SCARA5: variants seen among roughly 807,000 people sequenced by gnomAD.
The protein encoded by SCARA5 is scavenger receptor class A, member 5 (putative).
In SCARA5, 45 loss-of-function variants were observed where a neutral mutation model predicts 46.3. The observed-to-expected ratio is 0.97, with a 90% CI of 0.76 to 1.24. The LOEUF (loss-of-function observed/expected upper bound fraction) is 1.24, where lower values mean the gene tolerates loss of function less well. Among genes scored for constraint, SCARA5 ranks in the 50% most tolerant of loss-of-function variants. The pLI is 0.00. For missense variants in SCARA5, 680 were observed against 689.0 expected (o/e 0.99, Z 0.15); for synonymous variants, 333 against 306.5 (o/e 1.09, Z -0.90).
Position 27,885,485 on chromosome 8 carries a change from C to A in SCARA5, c.1154-5719G>T, listed in dbSNP as rs554964380. ...GAGGATCACGTGACCTGGTACAGGG[C>A]CCGGTGCACTGAGATACCCAGCCTG... is the stretch of plus-strand genomic sequence containing the variant. On this transcript the variant is annotated intron_variant, in intron 7 of 8. Coordinates refer to ENST00000354914, the MANE Select transcript of SCARA5 (RefSeq NM_173833.6). Among the ~76,000 whole-genome samples the A allele has an allele frequency of 3.2e-4, 49 of 152,240 alleles. No homozygotes were observed. The South Asian group carries it at 0.01, about 32-fold the overall frequency.
chr8:27,881,871 G>A (rs142746857), intron 7 of SCARA5, among the ~76,000 whole-genome samples: 42 of 152,152 alleles, frequency 2.8e-4, no homozygotes, highest in African/African-American at 8.7e-4. Flanking sequence ...CTGATGCCTC[G>A]TCATCACCCA....
chr8:27,987,999 C>A (rs1808730553), intron 1 of SCARA5, among the ~76,000 whole-genome samples: 1 of 152,146 alleles, frequency 6.6e-6, no homozygotes, highest in Admixed American at 6.5e-5. Context: ...CAAAAGGTAA[C>A]CTGAGAGCAG....
chr8:27,920,115 T>G (rs1201330396), intron 4 of SCARA5, among the ~76,000 whole-genome samples: 31 of 151,730 alleles, frequency 2.0e-4, no homozygotes, highest in Admixed American at 1.9e-3. Flanking sequence ...GGTCTCTTGG[T>G]TCTATCATTT....
intron 3 of SCARA5, among the ~76,000 whole-genome samples, chr8:27,948,043 T>C (rs991527551): frequency 4.6e-5 from 7 of 152,132 alleles, no homozygotes; most frequent in African/African-American, 1.7e-4. Context: ...GTTCTGCTAG[T>C]GGGTGGTGGC....
At chr8:27,905,708 T>C (rs1416215783) in intron 6 of SCARA5, among the ~76,000 whole-genome samples, 2 of 146,226 alleles carry the variant, frequency 1.4e-5, no homozygotes, top group South Asian at 4.4e-4. Context: ...TTCTTTTCTT[T>C]TTTTTTTTTT....
Position 27,881,929 on chromosome 8 carries a change from T to C in SCARA5, c.1154-2163A>G, listed in dbSNP as rs531263699. On this transcript the variant is annotated intron_variant, in intron 7 of 8. Transcript: ENST00000354914. The stretch of plus-strand genomic sequence containing the variant: ...TTCACTTTTGGTGCTGCACATGCGA[T>C]GGGTTTGGACAAATGTATAATAATG... 3.0e-4 allele frequency among the ~76,000 whole-genome samples: 46 copies of C among 152,334 alleles called. 3 individuals carry two copies. The South Asian group carries it at 9.3e-3, about 31-fold the overall frequency.
rs139795486 is a variant in SCARA5 at position 27,940,368 on chromosome 8, T to A, written c.242-18123A>T. Among the ~76,000 whole-genome samples, 878 of 152,216 alleles carry A rather than the reference T, an allele frequency of 5.8e-3. 11 individuals are homozygous for A. The highest frequency in any genetic ancestry group is 0.021 in the African/African-American group (852 of 41,532). ...TCTCACGTCACTGTTCTTTAAAAGG[T>A]GGACTCACAGTGCAGTAAGATCGTG... is the stretch of plus-strand genomic sequence containing the variant. On this transcript the variant is annotated intron_variant, in intron 3 of 8. Transcript: ENST00000354914.
intron 7 of SCARA5, among the ~76,000 whole-genome samples, chr8:27,888,203 G>A (rs557128024): frequency 1.3e-5 from 2 of 152,228 alleles, no homozygotes; most frequent in African/African-American, 4.8e-5. Flanking sequence ...GGACTACAGG[G>A]TGCATGCTGC....
intron 6 of SCARA5, among the ~76,000 whole-genome samples, chr8:27,906,819 C>T (rs992235307): frequency 6.6e-6 from 1 of 152,196 alleles, no homozygotes; most frequent in African/African-American, 2.4e-5. Context: ...TCCCACTCAT[C>T]CTCCCAAGTA....
At chr8:27,991,931 G>A (rs1159731834) in intron 1 of SCARA5, among the ~76,000 whole-genome samples, 1 of 152,060 alleles carries the variant, frequency 6.6e-6, no homozygotes, top group East Asian at 1.9e-4. Flanking sequence ...ATGGAGAGGA[G>A]CTGTCACCTG....
chr8:27,919,520 G>A (rs151104434), intron 4 of SCARA5, among the ~76,000 whole-genome samples: 27 of 152,196 alleles, frequency 1.8e-4, no homozygotes, highest in African/African-American at 6.3e-4. Flanking sequence ...CCACCTTCCA[G>A]CCTGGCAAAA....
intron 3 of SCARA5, among the ~76,000 whole-genome samples, chr8:27,948,742 G>C (rs1002752585): frequency 2.0e-5 from 3 of 152,184 alleles, no homozygotes; most frequent in Non-Finnish European, 4.4e-5. Context: ...AGGAAAAAAC[G>C]ATTCCAGCCC....
rs1408839046 is a variant in SCARA5, at chr8:27,898,906, C to T, written c.1153+5872G>A. On this transcript the variant is annotated intron_variant, in intron 7 of 8. Coordinates refer to ENST00000354914, the MANE Select transcript of SCARA5 (RefSeq NM_173833.6). ...GAGAGGTGCAGTGCTGAACACAGAACACATCGAGGTACCTGGCGGGCGGCG... is the reference window on the plus strand; with the variant it reads ...GAGAGGTGCAGTGCTGAACACAGAATACATCGAGGTACCTGGCGGGCGGCG... 2.6e-5 allele frequency among the ~76,000 whole-genome samples: 3 copies of T among 115,088 alleles called. No individual in the cohort carries two copies. In the East Asian group the frequency reaches 7.9e-4, roughly 30 times the overall value. 75.5% of individuals were successfully genotyped at this position (115,088 alleles called of 152,430 possible).
At chr8:27,908,959 TC>T (rs1807320005) in intron 5 of SCARA5, 1 of 152,178 alleles carries the variant, frequency 6.6e-6, no homozygotes, top group African/African-American at 2.4e-5. Context: ...GACACCTTTT[TC>T]CCTCTATTTC....
At chr8:27,969,215 C>A (rs981413023) in intron 2 of SCARA5, among the ~76,000 whole-genome samples, 1 of 152,106 alleles carries the variant, frequency 6.6e-6, no homozygotes, top group Non-Finnish European at 1.5e-5. Context: ...CTGGGTAAAC[C>A]TTTCAAATTA....
chr8:27,986,039 T>C (rs1808700577), intron 2 of SCARA5, among the ~76,000 whole-genome samples: 1 of 152,184 alleles, frequency 6.6e-6, no homozygotes, highest in Non-Finnish European at 1.5e-5. Context: ...CTGGCCCTGA[T>C]AGTCCTCTCC....
intron 3 of SCARA5, among the ~76,000 whole-genome samples, chr8:27,942,039 G>A (rs542368536): frequency 1.8e-4 from 27 of 151,956 alleles, no homozygotes; most frequent in African/African-American, 6.0e-4. Context: ...ATGTTGCCCA[G>A]GCTGGTCTTG....
intron 8 of SCARA5, among the ~76,000 whole-genome samples, chr8:27,877,651 T>A (rs571240333): frequency 1.3e-5 from 2 of 152,232 alleles, no homozygotes; most frequent in Admixed American, 1.3e-4. Context: ...CCTATTCTAA[T>A]CAACAACAAC....
chr8:27,975,880 G>A (rs573281077), intron 2 of SCARA5, among the ~76,000 whole-genome samples: 3 of 152,268 alleles, frequency 2.0e-5, no homozygotes, highest in South Asian at 4.1e-4. Context: ...GTACAGGAGA[G>A]CACGGGAAGG....
Sources: gnomAD v4.1 joint callset for allele counts (sites outside exome capture counted in the v4.1 genomes callset) on GRCh38, gnomAD v4.1.1 for gene constraint, MANE v1.5 for transcripts, NCBI Gene and HGNC (gene_info 2026-07-23, HGNC 2026-07-21) for gene names.